Variants in OR52N4 observed in about 807,000 individuals in gnomAD.
OR52N4 encodes olfactory receptor 52N4.
In OR52N4, 15 loss-of-function variants were observed where a neutral mutation model predicts 15.0. That is an observed-to-expected ratio of 1.00 (90% CI 0.67 to 1.54). OR52N4 has a LOEUF of 1.54. OR52N4 is among the 40% of genes most tolerant of loss of function. OR52N4 has a pLI of 0.00. For synonymous variants in OR52N4, 143 were observed against 143.7 expected (o/e 1.00, Z 0.03); for missense variants, 421 against 394.0 (o/e 1.07, Z -0.58).
At chr11:5,751,512 A>C (rs1369459228), upstream of OR52N4, among the ~76,000 whole-genome samples, 1 of 152,026 alleles carries the variant, frequency 6.6e-6, no homozygotes, top group African/African-American at 2.4e-5. Flanking sequence ...TTGGTGCAAA[A>C]GGAATTGTGG....
the OR52N4 span, among the ~76,000 whole-genome samples, chr11:5,735,744 G>T: frequency 6.6e-6 from 1 of 152,236 alleles, no homozygotes; most frequent in African/African-American, 2.4e-5. Context: ...CATGATTTTT[G>T]AGCATTGAAT....
At chr11:5,741,089 T>G in the OR52N4 span, among the ~76,000 whole-genome samples, 4 of 148,306 alleles carry the variant, frequency 2.7e-5, 2 homozygotes, top group Admixed American at 2.7e-4. Flanking sequence ...AGGAAGATAA[T>G]AAAGGAGTTT....
the OR52N4 span, among the ~76,000 whole-genome samples, chr11:5,730,969 A>G: frequency 5.3e-5 from 8 of 152,166 alleles, no homozygotes; most frequent in African/African-American, 1.9e-4. Flanking sequence ...CTTGACTATA[A>G]GCAGACTTCA....
the OR52N4 span, chr11:5,736,587 T>C: frequency 6.2e-7 from 1 of 1,613,912 alleles, no homozygotes; most frequent in Non-Finnish European, 8.5e-7. Flanking sequence ...TTCATCCTGC[T>C]GGGATTCCCG....
At chr11:5,746,434 A>G in the OR52N4 span, among the ~76,000 whole-genome samples, 52,921 of 151,988 alleles carry the variant, frequency 0.35, 9,568 homozygotes, top group East Asian at 0.5. Flanking sequence ...TCTACAAGGA[A>G]CTCAAGCAAC....
the OR52N4 span, chr11:5,727,166 T>G: frequency 0.44 from 67,480 of 152,694 alleles, 15,046 homozygotes; most frequent in Non-Finnish European, 0.46. Flanking sequence ...TATGCCCTAA[T>G]TGCACAAGCT....
chr11:5,729,075 TC>T, the OR52N4 span, among the ~76,000 whole-genome samples: 1 of 150,010 alleles, frequency 6.7e-6, no homozygotes, highest in African/African-American at 2.5e-5. Flanking sequence ...TGTGTGATGT[TC>T]CCCTTCCTGT....
At chr11:5,730,716 A>G in the OR52N4 span, among the ~76,000 whole-genome samples, 1 of 150,882 alleles carries the variant, frequency 6.6e-6, no homozygotes, top group African/African-American at 2.4e-5. Flanking sequence ...ACTCATTCCA[A>G]TCTAAGTCCA....
the OR52N4 span, among the ~76,000 whole-genome samples, chr11:5,738,858 C>CT: frequency 3.7e-4 from 24 of 65,490 alleles, 1 homozygote; most frequent in East Asian, 7.1e-4. Flanking sequence ...GGCTACTTTC[C>CT]ATTAAACACA....
At chr11:5,733,099 C>A in the OR52N4 span, among the ~76,000 whole-genome samples, 2 of 152,218 alleles carry the variant, frequency 1.3e-5, no homozygotes, top group East Asian at 3.8e-4. Flanking sequence ...GCTCATCCAA[C>A]TTACTTATAT....
At chr11:5,744,963 C>A in the OR52N4 span, among the ~76,000 whole-genome samples, 1 of 152,000 alleles carries the variant, frequency 6.6e-6, no homozygotes, top group Admixed American at 6.6e-5. Context: ...CATTTTAATA[C>A]ATGTGGAAAA....
upstream of OR52N4, among the ~76,000 whole-genome samples, chr11:5,749,708 C>T (rs951084993): frequency 2.0e-5 from 3 of 151,962 alleles, no homozygotes; most frequent in Admixed American, 2.0e-4. Context: ...ACGGAGCAAG[C>T]AACCCTCATA....
chr11:5,726,782 A>C, the OR52N4 span: 1 of 153,514 alleles, frequency 6.5e-6, no homozygotes, highest in Non-Finnish European at 1.5e-5. Context: ...AGCCGGACAT[A>C]TATCTGCCTC....
At chr11:5,742,266 G>A in the OR52N4 span, among the ~76,000 whole-genome samples, 2 of 152,136 alleles carry the variant, frequency 1.3e-5, no homozygotes, top group Non-Finnish European at 2.9e-5. Context: ...TTCCTAGGGA[G>A]AAGAGAAATA....
Position 5,755,273 on chromosome 11 carries a change from A to T in OR52N4, c.533A>T (p.His178Leu), listed in dbSNP as rs1245361605. The change falls in exon 2 of 2, where the codon CAT (histidine) becomes CTT (leucine). Residue 178 changes from histidine (H) to leucine (L), a missense_variant. Coordinates refer to ENST00000641350, the MANE Select transcript of OR52N4 (RefSeq NM_001005175.5). ...LPYCRGNILP[H>L]TYCDHMSVAK... is the part of the protein sequence containing the mutation. ...TACTGCAGAGGCAATATACTTCCCC[A>T]TACCTACTGTGACCACATGTCTGTA... The T allele has an allele frequency of 6.2e-7, 1 of 1,613,872 alleles. No homozygotes were observed. The highest frequency in any genetic ancestry group is 1.3e-5 in the African/African-American group (1 of 74,894).
chr11:5,735,917 T>G, the OR52N4 span: 2 of 153,594 alleles, frequency 1.3e-5, no homozygotes, highest in Non-Finnish European at 2.9e-5. Context: ...AGAGTTGATC[T>G]AATATTGTGT....
At position 5,755,805 on chromosome 11, in the gene OR52N4, C is replaced by T. The variant is rs1854306093; in HGVS notation, c.*99C>T. 7.1e-7 allele frequency: 1 copy of T among 1,405,158 alleles called. No homozygotes were observed. The highest frequency in any genetic ancestry group is 2.3e-5 in the East Asian group (1 of 42,772). 87.0% of individuals were successfully genotyped at this position (1,405,158 alleles called of 1,614,324 possible). On this transcript the variant is annotated 3_prime_UTR_variant, in exon 2 of 2. Coordinates refer to ENST00000641350, the MANE Select transcript of OR52N4 (RefSeq NM_001005175.5). Reference sequence around the variant, plus strand: ...ATCTTTCTGGAAGCACTGTATTGATCACAAAATGGAGTTTGTTAACTGGTG... The same window carrying T: ...ATCTTTCTGGAAGCACTGTATTGATTACAAAATGGAGTTTGTTAACTGGTG...
In OR52N4 at chr11:5,754,285, A is replaced by G. The variant is rs1183472341; in HGVS notation, c.-69A>G. The G allele has an allele frequency of 6.5e-6, 1 of 153,536 alleles. No homozygotes were observed. Among genetic ancestry groups the G allele is most frequent in the Non-Finnish European group, 1.4e-5 (1 of 69,166 alleles). The allele number at this position is 153,536 out of a possible 1,614,324, so 9.5% of individuals were successfully genotyped here. ...ATAAAAATTAAAAAGTCAACATCTC[A>G]TCTCTCAGATCATCAGTGAGGTAAT... On this transcript the variant is annotated 5_prime_UTR_variant, in exon 1 of 2. Coordinates refer to ENST00000641350, the MANE Select transcript of OR52N4 (RefSeq NM_001005175.5).
chr11:5,741,315 G>A, the OR52N4 span, among the ~76,000 whole-genome samples: 8 of 152,310 alleles, frequency 5.3e-5, no homozygotes, highest in African/African-American at 1.9e-4. Flanking sequence ...TTTGACTTGG[G>A]AAAATTATTG....
Sources: gnomAD v4.1 joint callset for allele counts (sites outside exome capture counted in the v4.1 genomes callset) on GRCh38, gnomAD v4.1.1 for gene constraint, MANE v1.5 for transcripts, NCBI Gene and HGNC (gene_info 2026-07-23, HGNC 2026-07-21) for gene names.